The following MIDEAS variants were observed in gnomAD, a reference collection of about 807,000 sequenced individuals.
The protein encoded by MIDEAS is mitotic deacetylase-associated SANT domain protein.
MIDEAS carries 26 observed loss-of-function variants against 102.7 expected under a neutral mutation model. That is an observed-to-expected ratio of 0.25 (90% CI 0.19 to 0.35). The LOEUF is 0.35. Among genes scored for constraint, MIDEAS ranks in the 10% least tolerant of loss-of-function variants. The pLI, the probability that MIDEAS is intolerant of heterozygous loss-of-function variation, is 1.00. For synonymous variants in MIDEAS, 585 were observed against 591.0 expected (o/e 0.99, Z 0.15); for missense variants, 1,231 against 1,435.6 (o/e 0.86, Z 2.30).
intron 1 of MIDEAS, among the ~76,000 whole-genome samples, chr14:73,746,966 G>A (rs190195989): frequency 9.8e-5 from 15 of 152,306 alleles, no homozygotes; most frequent in African/African-American, 3.6e-4. Context: ...AGCCCGTGCA[G>A]GGACTAGGGG....
At position 73,739,473 on chromosome 14, in the gene MIDEAS, A is replaced by G. The variant is rs773360913; in HGVS notation, c.536T>C (p.Val179Ala). ...CACCTTCTGTGGCATCATTGGTCGC[A>G]CATAGCGGTCCAGCTGTGGGCCCCC... ...KAGGPQLDRY[V>A]RPMMPQKVQL... The change falls in exon 2 of 13, where the codon GTG becomes GCG. Residue 179 changes from valine to alanine, a missense_variant. Coordinates refer to ENST00000423556, the MANE Select transcript of MIDEAS (RefSeq NM_001367710.1). The G allele has an allele frequency of 1.2e-6, 2 of 1,608,318 alleles. No homozygotes were observed. The highest frequency in any genetic ancestry group is 1.7e-6 in the Non-Finnish European group (2 of 1,176,842).
chr14:73,763,209 A>C (rs562732923), upstream of MIDEAS, among the ~76,000 whole-genome samples: 113 of 152,252 alleles, frequency 7.4e-4, no homozygotes, highest in African/African-American at 2.6e-3. Flanking sequence ...GTGGTGGCAC[A>C]TGCCTGTGGT....
intron 1 of MIDEAS, among the ~76,000 whole-genome samples, chr14:73,782,938 G>A (rs1478865340): frequency 6.6e-6 from 1 of 152,196 alleles, no homozygotes; most frequent in Non-Finnish European, 1.5e-5. Flanking sequence ...CAGGAACCAC[G>A]GCCTTTGGTG....
At chr14:73,741,419 C>T (rs892675972) in intron 1 of MIDEAS, among the ~76,000 whole-genome samples, 3 of 152,224 alleles carry the variant, frequency 2.0e-5, no homozygotes, top group East Asian at 3.9e-4. Flanking sequence ...CCTCTTTCCC[C>T]AGTAAGATTC....
chr14:73,787,238 C>CGGCCCGGGCTGTGCGGCCCGGGCTGTGA (rs2053823239), exon 1 of MIDEAS: 1 of 148,824 alleles, frequency 6.7e-6, no homozygotes, highest in African/African-American at 2.4e-5. Flanking sequence ...CCGGGCTGTG[C>CGGCCCGGGCTGTGCGGCCCGGGCTGTGA]GGCCCGGGCT....
At chr14:73,772,821 G>GTGTGTA (rs763859427) in intron 1 of MIDEAS, among the ~76,000 whole-genome samples, 2 of 143,898 alleles carry the variant, frequency 1.4e-5, no homozygotes, top group Non-Finnish European at 3.2e-5. Flanking sequence ...GTGTGTGTGT[G>GTGTGTA]TGTGTGTGTG....
intron 1 of MIDEAS, chr14:73,758,843 G>A (rs1004339924): frequency 6.5e-6 from 1 of 154,492 alleles, no homozygotes; most frequent in African/African-American, 2.4e-5. Flanking sequence ...AAGGCCCCAG[G>A]GCACACGAAG....
In MIDEAS at chr14:73,742,431, C is replaced by T. The variant is rs886873325; in HGVS notation, c.-247-2176G>A. ...GATGGCTGCTCAGAAGGAGATGAGG[C>T]GGGGCCTGCGGCTCCAGGACAAGCC... On this transcript the variant is annotated intron_variant, in intron 1 of 12. Transcript: ENST00000423556. The surrounding 1 kb of genome is among the most constrained non-coding windows in gnomAD (Gnocchi z 4.4). Among the ~76,000 whole-genome samples the T allele has an allele frequency of 4.8e-5, 7 of 145,706 alleles. No homozygotes were observed. Among genetic ancestry groups the T allele is most frequent in the African/African-American group, 1.7e-4 (6 of 35,474 alleles).
chr14:73,751,977 C>G (rs1036243858), intron 1 of MIDEAS, among the ~76,000 whole-genome samples: 1 of 152,150 alleles, frequency 6.6e-6, no homozygotes, highest in African/African-American at 2.4e-5. Flanking sequence ...GCTCCTGTCC[C>G]TTCTCCTGGC....
Position 73,725,987 on chromosome 14 carries a change from G to A in MIDEAS, c.2485+46C>T. 1.3e-6 allele frequency: 2 copies of A among 1,490,604 alleles called. No homozygotes were observed. The highest frequency in any genetic ancestry group is 1.8e-6 in the Non-Finnish European group (2 of 1,088,392). The allele number at this position is 1,490,604 out of a possible 1,614,324, so 92.3% of individuals were successfully genotyped here. The stretch of plus-strand genomic sequence containing the variant: ...TGAGCAGGGCCCCATGGATGCTGGA[G>A]ACCTCTTGAGGCTCCAGGCACCATG... On this transcript the variant is annotated intron_variant, in intron 8 of 12. Coordinates refer to ENST00000423556, the MANE Select transcript of MIDEAS (RefSeq NM_001367710.1). This position sits in a 1 kb window ranked among gnomAD's most constrained non-coding sequence, Gnocchi z 4.1.
chr14:73,771,637 ACAGT>A (rs2053643222), intron 1 of MIDEAS, among the ~76,000 whole-genome samples: 1 of 152,230 alleles, frequency 6.6e-6, no homozygotes, highest in Non-Finnish European at 1.5e-5. Context: ...TGCTCAGAAG[ACAGT>A]CAGCTGCTCA....
At chr14:73,766,879 G>T (rs2140163812) in intron 1 of MIDEAS, among the ~76,000 whole-genome samples, 1 of 107,242 alleles carries the variant, frequency 9.3e-6, no homozygotes. Context: ...TTTTTGAGAT[G>T]GAGTCTCACT....
At chr14:73,760,636 T>A (rs1466805291), upstream of MIDEAS, among the ~76,000 whole-genome samples, 2 of 152,148 alleles carry the variant, frequency 1.3e-5, no homozygotes, top group East Asian at 3.9e-4. This position sits in a 1 kb window ranked among gnomAD's most constrained non-coding sequence, Gnocchi z 4.8. Flanking sequence ...ACAAAGAAAC[T>A]CTCTCTGGTT....
At chr14:73,786,103 C>T (rs1458329514) in intron 1 of MIDEAS, among the ~76,000 whole-genome samples, 1 of 152,234 alleles carries the variant, frequency 6.6e-6, no homozygotes, top group Non-Finnish European at 1.5e-5. Flanking sequence ...ACCTCTAGGA[C>T]ACCCCATCTC....
rs2052936341 is a variant in MIDEAS at position 73,718,826 on chromosome 14, C to A, written c.*17G>T. Reference sequence around the variant, plus strand: ...GAAGGGCCGAGGCCCAGGACTGGGCCAGCCTGGCTCCCGCGCTCAGCCCTT... The same window carrying A: ...GAAGGGCCGAGGCCCAGGACTGGGCAAGCCTGGCTCCCGCGCTCAGCCCTT... On this transcript the variant is annotated 3_prime_UTR_variant, in exon 13 of 13. Coordinates refer to ENST00000423556, the MANE Select transcript of MIDEAS (RefSeq NM_001367710.1). 2 of 1,421,060 alleles carry A rather than the reference C, an allele frequency of 1.4e-6. No individual in the cohort carries two copies. Among genetic ancestry groups the A allele is most frequent in the Non-Finnish European group, 1.8e-6 (2 of 1,096,930 alleles). The allele number at this position is 1,421,060 out of a possible 1,614,324, so 88.0% of individuals were successfully genotyped here. A position where few individuals can be genotyped will look rare whatever the true frequency, so the allele number is the denominator to read the frequency against.
At chr14:73,758,615 C>T (rs963240047) in intron 1 of MIDEAS, 3 of 154,014 alleles carry the variant, frequency 1.9e-5, no homozygotes, top group African/African-American at 7.2e-5. Flanking sequence ...GCCCCCCGCG[C>T]GAGGCTCCAC....
rs570302494 is a variant in MIDEAS, at chr14:73,720,777, G to T, written c.2937+520C>A. On this transcript the variant is annotated intron_variant, in intron 11 of 12. Transcript: ENST00000423556. Reference sequence around the variant, plus strand: ...ACTGCTTTCCCCCATCTGCAGAGTAGAGGTTAACTCTGCAGTGTGAGGAAC... The same window carrying T: ...ACTGCTTTCCCCCATCTGCAGAGTATAGGTTAACTCTGCAGTGTGAGGAAC... Among the ~76,000 whole-genome samples the T allele has an allele frequency of 2.0e-5, 3 of 152,306 alleles. No homozygotes were observed. In the South Asian group the frequency reaches 6.2e-4, roughly 32 times the overall value.
rs2053530079 is a variant in MIDEAS at position 73,759,446 on chromosome 14, G to A, written c.-248+317C>T. Among the ~76,000 whole-genome samples the A allele has an allele frequency of 1.3e-5, 2 of 151,162 alleles. No homozygotes were observed. The highest frequency in any genetic ancestry group is 6.6e-5 in the Admixed American group (1 of 15,222). Reference sequence around the variant, plus strand: ...CTGGCGGGGCCGCGCCCGGGTGGGCGGGGGCCGCGCGCAAGCTGCGTAGCT... The same window carrying A: ...CTGGCGGGGCCGCGCCCGGGTGGGCAGGGGCCGCGCGCAAGCTGCGTAGCT... On this transcript the variant is annotated intron_variant, in intron 1 of 12. Transcript: ENST00000423556. The surrounding 1 kb of genome is among the most constrained non-coding windows in gnomAD (Gnocchi z 6.7).
At chr14:73,722,336 A>G (rs55801207) in intron 10 of MIDEAS, 2,503 of 167,096 alleles carry the variant, frequency 0.015, 55 homozygotes, top group African/African-American at 0.053. Flanking sequence ...GAATATGACA[A>G]AAATTCTAAT....
Sources: allele counts gnomAD v4.1 joint callset (sites outside exome capture counted in the v4.1 genomes callset), GRCh38; gene constraint gnomAD v4.1.1; non-coding constraint Gnocchi (gnomAD v3.1); transcripts MANE v1.5; gene names NCBI Gene and HGNC (gene_info 2026-07-23, HGNC 2026-07-21).